The following PRELID2 variants were observed in gnomAD, a reference collection of about 807,000 sequenced individuals.
PRELID2 encodes the protein PRELI domain containing 2.
A neutral mutation model predicts 28.4 loss-of-function variants in PRELID2; 25 were observed. The ratio of observed to expected loss-of-function variants is 0.88; its 90% confidence interval spans 0.64 to 1.23. PRELID2 has a LOEUF of 1.23. Ranked by LOEUF, PRELID2 falls within the 50% of genes most tolerant of loss-of-function variation. The pLI is 0.00. For missense variants in PRELID2, 201 were observed against 214.4 expected (o/e 0.94, Z 0.39); for synonymous variants, 76 against 71.6 (o/e 1.06, Z -0.31).
At chr5:145,464,933 C>T in the PRELID2 span, among the ~76,000 whole-genome samples, 2 of 152,010 alleles carry the variant, frequency 1.3e-5, no homozygotes, top group Non-Finnish European at 2.9e-5. Context: ...GACCAAAGAG[C>T]CTAAAGTAAA....
chr5:145,399,187 C>T, the PRELID2 span, among the ~76,000 whole-genome samples: 1 of 152,044 alleles, frequency 6.6e-6, no homozygotes, highest in Non-Finnish European at 1.5e-5. Context: ...TCTTCTTACT[C>T]GTTATCTAGA....
chr5:145,321,472 G>A, the PRELID2 span, among the ~76,000 whole-genome samples: 5 of 152,266 alleles, frequency 3.3e-5, no homozygotes, highest in African/African-American at 1.2e-4. Context: ...AGCTTATGCT[G>A]TGTAAATACT....
At chr5:145,701,938 G>C (rs1176132912) in intron 1 of PRELID2, among the ~76,000 whole-genome samples, 4 of 151,812 alleles carry the variant, frequency 2.6e-5, no homozygotes, top group Non-Finnish European at 5.9e-5. Context: ...GTAATCCCAG[G>C]TACTCGGGAG....
the PRELID2 span, among the ~76,000 whole-genome samples, chr5:145,340,152 C>G: frequency 6.6e-6 from 1 of 152,154 alleles, no homozygotes; most frequent in Non-Finnish European, 1.5e-5. Context: ...CCCAAATACT[C>G]GAGCATCCAA....
At chr5:145,741,799 T>G (rs1326953125) in intron 1 of PRELID2, among the ~76,000 whole-genome samples, 3 of 113,894 alleles carry the variant, frequency 2.6e-5, no homozygotes, top group African/African-American at 1.1e-4. Context: ...AGTATTTATA[T>G]ATAAATTTAT....
At chr5:145,511,156 C>T (rs974398478) in intron 1 of PRELID2, among the ~76,000 whole-genome samples, 5 of 152,318 alleles carry the variant, frequency 3.3e-5, no homozygotes, top group Middle Eastern at 3.4e-3. Flanking sequence ...CTATCACTAA[C>T]CACAGTGCCT....
Position 145,566,558 on chromosome 5 carries a change from G to C in PRELID2, n.71-93243C>G, listed in dbSNP as rs546165578. ...GTAAAGGTAAAGAAAAAGTGAAAAA[G>C]GCCCCACATGGTGGTTCATGCCTGT... On this transcript the variant is annotated intron_variant and non_coding_transcript_variant, in intron 1 of 2. Transcript: ENST00000510259. 5.9e-5 allele frequency among the ~76,000 whole-genome samples: 9 copies of C among 152,182 alleles called. No individual in the cohort carries two copies. The South Asian group carries it at 1.7e-3, about 28-fold the overall frequency.
At chr5:145,649,713 T>C (rs928673619) in intron 1 of PRELID2, among the ~76,000 whole-genome samples, 2 of 152,204 alleles carry the variant, frequency 1.3e-5, no homozygotes, top group Non-Finnish European at 2.9e-5. Flanking sequence ...ATTTCAGTGA[T>C]TGCATTTCAA....
At chr5:145,316,428 G>A in the PRELID2 span, among the ~76,000 whole-genome samples, 1 of 152,084 alleles carries the variant, frequency 6.6e-6, no homozygotes. Context: ...TACACCTGGG[G>A]ACTAGATTGT....
chr5:145,591,123 C>G (rs909322434), intron 1 of PRELID2, among the ~76,000 whole-genome samples: 2 of 151,814 alleles, frequency 1.3e-5, no homozygotes, highest in Non-Finnish European at 2.9e-5. Flanking sequence ...TGGCGAGACC[C>G]TGTCTCTACA....
At chr5:145,432,973 T>C in the PRELID2 span, among the ~76,000 whole-genome samples, 1 of 152,138 alleles carries the variant, frequency 6.6e-6, no homozygotes, top group Non-Finnish European at 1.5e-5. Context: ...GCTTTAATGC[T>C]ACAATAAAGG....
intron 1 of PRELID2, among the ~76,000 whole-genome samples, chr5:145,740,343 T>C (rs1441303522): frequency 2.6e-5 from 3 of 113,272 alleles, no homozygotes; most frequent in Non-Finnish European, 5.3e-5. Context: ...GTATGCACCA[T>C]ACAACAGAGC....
the PRELID2 span, among the ~76,000 whole-genome samples, chr5:145,413,881 T>C: frequency 6.6e-6 from 1 of 152,224 alleles, no homozygotes; most frequent in Admixed American, 6.5e-5. Context: ...GGATTTTCTT[T>C]TTTTAAGACT....
At chr5:145,795,865 T>C (rs1010202912) in intron 5 of PRELID2, 3 of 152,162 alleles carry the variant, frequency 2.0e-5, no homozygotes, top group African/African-American at 7.2e-5. Context: ...AAGCTCTACT[T>C]AAAATAGAGC....
chr5:145,387,773 A>T, the PRELID2 span, among the ~76,000 whole-genome samples: 3 of 152,034 alleles, frequency 2.0e-5, no homozygotes, highest in Non-Finnish European at 4.4e-5. Flanking sequence ...CTGTACAAAA[A>T]ATACAAAAAT....
At chr5:145,503,986 T>A (rs1752385105) in intron 1 of PRELID2, among the ~76,000 whole-genome samples, 1 of 152,162 alleles carries the variant, frequency 6.6e-6, no homozygotes, top group Admixed American at 6.5e-5. Flanking sequence ...CTGTAGTAAG[T>A]TCTTATTCCC....
intron 1 of PRELID2, among the ~76,000 whole-genome samples, chr5:145,684,242 T>A (rs1417921356): frequency 6.6e-6 from 1 of 152,216 alleles, no homozygotes; most frequent in Non-Finnish European, 1.5e-5. Flanking sequence ...GAAGCCTCGA[T>A]GGGCTGGGCC....
chr5:145,469,510 C>T (rs1270561007), downstream of PRELID2, among the ~76,000 whole-genome samples: 1 of 152,002 alleles, frequency 6.6e-6, no homozygotes, highest in Admixed American at 6.6e-5. Flanking sequence ...ACTCAGAGTT[C>T]ATAAGCCTTT....
chr5:145,408,721 G>C, the PRELID2 span, among the ~76,000 whole-genome samples: 3 of 152,002 alleles, frequency 2.0e-5, no homozygotes, highest in Non-Finnish European at 4.4e-5. Context: ...TTGGGATTAT[G>C]TTTAACGATC....
Sources: allele counts gnomAD v4.1 joint callset (sites outside exome capture counted in the v4.1 genomes callset), GRCh38; gene constraint gnomAD v4.1.1; transcripts MANE v1.5; gene names NCBI Gene and HGNC (gene_info 2026-07-23, HGNC 2026-07-21).